The following SMARCC1 variants were observed in gnomAD, a reference collection of about 807,000 sequenced individuals.
The protein encoded by SMARCC1 is SWI/SNF related BAF chromatin remodeling complex subunit C1.
SMARCC1 carries 43 observed loss-of-function variants against 147.4 expected under a neutral mutation model. That is an observed-to-expected ratio of 0.29 (90% CI 0.23 to 0.38). The LOEUF is 0.38. SMARCC1 is among the 10% of genes least tolerant of loss of function. The probability of loss-of-function intolerance (pLI) is 1.00; values close to 1 mark genes in which losing one functional copy is unlikely to be tolerated. For synonymous variants in SMARCC1, 495 were observed against 484.4 expected, an observed-to-expected ratio of 1.02 and a Z score of -0.29; for missense variants, 1,119 against 1,381.1, an observed-to-expected ratio of 0.81 and a Z score of 3.01.
At chr3:47,747,133 A>C (rs1366696207) in intron 2 of SMARCC1, among the ~76,000 whole-genome samples, 1 of 151,890 alleles carries the variant, frequency 6.6e-6, no homozygotes, top group Non-Finnish European at 1.5e-5. Context: ...CTACCTCTAC[A>C]AAAAATTTAA....
At chr3:47,624,584 C>G (rs983536359) in intron 24 of SMARCC1, among the ~76,000 whole-genome samples, 2 of 152,190 alleles carry the variant, frequency 1.3e-5, no homozygotes, top group African/African-American at 4.8e-5. Context: ...GAATAGAGAA[C>G]AGACATTCCT....
chr3:47,625,427 G>GT (rs1307138162), intron 24 of SMARCC1, among the ~76,000 whole-genome samples: 1 of 151,982 alleles, frequency 6.6e-6, no homozygotes, highest in Admixed American at 6.6e-5. Flanking sequence ...TAGAAACAGG[G>GT]TTTTGCCAGG....
At chr3:47,607,573 G>C (rs1160316176) in intron 26 of SMARCC1, among the ~76,000 whole-genome samples, 1 of 152,134 alleles carries the variant, frequency 6.6e-6, no homozygotes, top group African/African-American at 2.4e-5. Flanking sequence ...TGCCCTCTAA[G>C]AAGAGAAGGA....
intron 26 of SMARCC1, among the ~76,000 whole-genome samples, chr3:47,603,142 C>T (rs537003162): frequency 6.6e-6 from 1 of 152,190 alleles, no homozygotes; most frequent in South Asian, 2.1e-4. Flanking sequence ...GGAGATCCCG[C>T]CGGGTGCAGT....
At chr3:47,756,869 T>C (rs2034704563) in intron 2 of SMARCC1, among the ~76,000 whole-genome samples, 1 of 152,100 alleles carries the variant, frequency 6.6e-6, no homozygotes, top group African/African-American at 2.4e-5. Context: ...TCAAAGGACA[T>C]CATTATGAGA....
In SMARCC1 at chr3:47,745,902, A is replaced by T. The variant is rs1017190118; in HGVS notation, c.401+6T>A. The T allele has an allele frequency of 1.3e-6, 2 of 1,521,542 alleles. No individual in the cohort carries two copies. The highest frequency in any genetic ancestry group is 2.3e-5 in the Admixed American group (1 of 43,070). The allele number at this position is 1,521,542 out of a possible 1,614,324, so 94.3% of individuals were successfully genotyped here. ...TCAAAACATGCAAACAAATACAAAA[A>T]CTTACCATCCCTGTTCATTTTTATA... On this transcript the variant is annotated splice_donor_region_variant and intron_variant, in intron 3 of 27. Coordinates refer to ENST00000254480, the MANE Select transcript of SMARCC1 (RefSeq NM_003074.4).
chr3:47,667,535 A>AATAATTATAAATGAACAGG (rs2033437771), intron 19 of SMARCC1, among the ~76,000 whole-genome samples: 1 of 152,202 alleles, frequency 6.6e-6, no homozygotes, highest in Non-Finnish European at 1.5e-5. Flanking sequence ...CAAGCCCAAG[A>AATAATTATAAATGAACAGG]ATAATTATAA....
chr3:47,629,675 T>C (rs1257930286), intron 24 of SMARCC1, among the ~76,000 whole-genome samples: 3 of 152,132 alleles, frequency 2.0e-5, no homozygotes, highest in Non-Finnish European at 4.4e-5. Flanking sequence ...GTATAGAGAA[T>C]GATGGTAGCC....
chr3:47,608,827 C>A (rs1238456515), intron 26 of SMARCC1, among the ~76,000 whole-genome samples: 3 of 112,116 alleles, frequency 2.7e-5, no homozygotes, highest in African/African-American at 1.1e-4. Flanking sequence ...CCAGCCTAGA[C>A]AACAGAGCGA....
chr3:47,729,542 C>T (rs531915099), intron 5 of SMARCC1, among the ~76,000 whole-genome samples: 7 of 152,274 alleles, frequency 4.6e-5, no homozygotes, highest in African/African-American at 1.7e-4. Context: ...CCCGCCAGCA[C>T]GCCTGGCTAA....
At chr3:47,683,683 C>T (rs571404553) in intron 14 of SMARCC1, among the ~76,000 whole-genome samples, 7 of 150,880 alleles carry the variant, frequency 4.6e-5, no homozygotes, top group Non-Finnish European at 7.4e-5. Flanking sequence ...GAGATTGCGC[C>T]GCTGCACTCC....
intron 11 of SMARCC1, among the ~76,000 whole-genome samples, chr3:47,696,483 A>C (rs1239528292): frequency 6.6e-6 from 1 of 152,226 alleles, no homozygotes; most frequent in African/African-American, 2.4e-5. Context: ...AGGTTCACCA[A>C]AGTAGACTAT....
At chr3:47,697,420 C>T (rs1229564419) in intron 11 of SMARCC1, among the ~76,000 whole-genome samples, 1 of 151,642 alleles carries the variant, frequency 6.6e-6, no homozygotes, top group Admixed American at 6.6e-5. Flanking sequence ...CTTGCCTCAG[C>T]CTCCCGAGTA....
intron 7 of SMARCC1, among the ~76,000 whole-genome samples, chr3:47,718,698 G>GA (rs895942449): frequency 1.3e-5 from 2 of 150,550 alleles, no homozygotes; most frequent in African/African-American, 4.9e-5. Context: ...AATAACTTAT[G>GA]AAAAAATAAA....
At position 47,661,454 on chromosome 3, in the gene SMARCC1, C is replaced by T. The variant is rs748018048; in HGVS notation, c.2160G>A (p.Glu720=). 3.1e-6 allele frequency: 5 copies of T among 1,597,008 alleles called. No homozygotes were observed. Among genetic ancestry groups the T allele is most frequent in the Non-Finnish European group, 4.3e-6 (5 of 1,175,416 alleles). Reference sequence around the variant, plus strand: ...CCTCCTCCCGGACCCGAGAAAACTCCTCTGGTTCAAGAATAAAAATGGAAC... The same window carrying T: ...CCTCCTCCCGGACCCGAGAAAACTCTTCTGGTTCAAGAATAAAAATGGAAC... ...VASAAAKAAL[E]EFSRVREEVP... The change falls in exon 21 of 28, where the codon GAG becomes GAA. Residue 720 remains glutamate, a splice_region_variant and synonymous_variant. Transcript: ENST00000254480.
At chr3:47,597,302 G>A (rs1054778160) in intron 26 of SMARCC1, among the ~76,000 whole-genome samples, 2 of 152,144 alleles carry the variant, frequency 1.3e-5, no homozygotes, top group Non-Finnish European at 2.9e-5. Flanking sequence ...GATTACAGGT[G>A]TGCACCACCA....
chr3:47,595,606 T>C (rs183058634), intron 26 of SMARCC1, among the ~76,000 whole-genome samples: 2 of 152,168 alleles, frequency 1.3e-5, no homozygotes, highest in Admixed American at 1.3e-4. Context: ...CAGAAAATAA[T>C]GTTAATGTCA....
At chr3:47,738,457 G>A (rs2034470816) in intron 3 of SMARCC1, among the ~76,000 whole-genome samples, 2 of 152,200 alleles carry the variant, frequency 1.3e-5, no homozygotes, top group Middle Eastern at 6.8e-3. Context: ...AGGCTGAGGC[G>A]GGTGGATCAA....
intron 26 of SMARCC1, among the ~76,000 whole-genome samples, chr3:47,605,195 C>G (rs979869137): frequency 6.6e-6 from 1 of 152,240 alleles, no homozygotes; most frequent in Non-Finnish European, 1.5e-5. Flanking sequence ...TGAACATATG[C>G]ATATCCTATG....
Sources: allele counts gnomAD v4.1 joint callset (sites outside exome capture counted in the v4.1 genomes callset), GRCh38; gene constraint gnomAD v4.1.1; transcripts MANE v1.5; gene names NCBI Gene and HGNC (gene_info 2026-07-23, HGNC 2026-07-21).